Variants in PARD3B observed in about 807,000 individuals in gnomAD.
PARD3B encodes partitioning defective 3 homolog B.
A neutral mutation model predicts 130.2 loss-of-function variants in PARD3B; 103 were observed. The observed-to-expected ratio is 0.79, with a 90% CI of 0.67 to 0.93. The LOEUF (loss-of-function observed/expected upper bound fraction) is 0.93. PARD3B is among the 40% of genes least tolerant of loss of function. PARD3B has a pLI of 0.00. For missense variants in PARD3B, 1,609 were observed against 1,499.2 expected (o/e 1.07, Z -1.21); for synonymous variants, 583 against 553.2 (o/e 1.05, Z -0.76).
At chr2:204,893,463 A>G (rs1416953254) in intron 2 of PARD3B, among the ~76,000 whole-genome samples, 1 of 152,064 alleles carries the variant, frequency 6.6e-6, no homozygotes, top group Non-Finnish European at 1.5e-5. Context: ...TTTTTGCATG[A>G]TAGATTAATA....
In PARD3B at chr2:205,569,804, A is replaced by G. The variant is rs552497621; in HGVS notation, c.3260+16401A>G. Among the ~76,000 whole-genome samples the G allele has an allele frequency of 5.6e-4, 85 of 152,252 alleles. 1 individual carries two copies. The highest frequency in any genetic ancestry group is 1.9e-3 in the African/African-American group (77 of 41,566). On this transcript the variant is annotated intron_variant, in intron 22 of 22. Coordinates refer to ENST00000406610, the MANE Select transcript of PARD3B (RefSeq NM_001302769.2). ...TTCTGGGAATAGTCAAGATCATCCAATTGGGCTTTTTTCTCAAAATGGTAC... is the reference window on the plus strand; with the variant it reads ...TTCTGGGAATAGTCAAGATCATCCAGTTGGGCTTTTTTCTCAAAATGGTAC...
intron 1 of PARD3B, among the ~76,000 whole-genome samples, chr2:204,589,407 C>A (rs2032979670): frequency 6.6e-6 from 1 of 152,192 alleles, no homozygotes; most frequent in Admixed American, 6.5e-5. Context: ...TGTCACTGTG[C>A]CGATTTTGAA....
intron 2 of PARD3B, among the ~76,000 whole-genome samples, chr2:204,804,108 G>T (rs888103783): frequency 6.6e-6 from 1 of 152,114 alleles, no homozygotes; most frequent in African/African-American, 2.4e-5. Flanking sequence ...TGTGCCTGTA[G>T]TACCAGCTAC....
chr2:205,403,197 T>G (rs2046311870), intron 19 of PARD3B, among the ~76,000 whole-genome samples: 1 of 152,256 alleles, frequency 6.6e-6, no homozygotes. Context: ...AGCCATCCTG[T>G]TGCTTACTTG....
rs76219483 is a variant in PARD3B, at chr2:205,011,017, C to T, written c.395-36564C>T. On this transcript the variant is annotated intron_variant, in intron 3 of 22. Transcript: ENST00000406610. This position sits in a 1 kb window ranked among gnomAD's most constrained non-coding sequence, Gnocchi z 4.1. ...ATTTAAGAAGGATCCCCTTAAAAAG[C>T]TGATTGCGGCTCTCTGGTGTATGGG... Among the ~76,000 whole-genome samples the T allele has an allele frequency of 0.018, 2,696 of 152,254 alleles. 43 individuals carry two copies. Among genetic ancestry groups the T allele is most frequent in the East Asian group, 0.045 (233 of 5,166 alleles).
intron 2 of PARD3B, among the ~76,000 whole-genome samples, chr2:204,773,260 C>G (rs1278909575): frequency 6.6e-6 from 1 of 151,740 alleles, no homozygotes; most frequent in Non-Finnish European, 1.5e-5. Context: ...GAGTCTCTTA[C>G]GGAGTAAACT....
At chr2:205,354,202 C>T (rs2044101996) in intron 18 of PARD3B, among the ~76,000 whole-genome samples, 1 of 151,432 alleles carries the variant, frequency 6.6e-6, no homozygotes, top group African/African-American at 2.4e-5. Flanking sequence ...CCATGCTCAG[C>T]TAATTTTTAA....
chr2:205,118,833 C>A, intron 6 of PARD3B, 88 bp from the exon 7 acceptor site: 3 of 935,996 alleles, frequency 3.2e-6, no homozygotes, highest in South Asian at 2.5e-5. Flanking sequence ...AAATAGAAAT[C>A]AATATGTATT....
chr2:205,507,956 C>G (rs374644229), intron 21 of PARD3B, among the ~76,000 whole-genome samples: 102 of 152,312 alleles, frequency 6.7e-4, no homozygotes, highest in African/African-American at 2.4e-3. Context: ...TATCAGACCT[C>G]TGGAATTTAT....
At chr2:205,286,899 A>G (rs570458955) in intron 16 of PARD3B, among the ~76,000 whole-genome samples, 2 of 152,314 alleles carry the variant, frequency 1.3e-5, no homozygotes, top group Admixed American at 1.3e-4. Flanking sequence ...CTATTTTTCT[A>G]AATTGTCTAA....
chr2:205,455,115 CCTT>C (rs2048227385), intron 20 of PARD3B, among the ~76,000 whole-genome samples: 1 of 152,012 alleles, frequency 6.6e-6, no homozygotes, highest in African/African-American at 2.4e-5. Context: ...TAAAGCCAAA[CCTT>C]CTTGATTTAA....
intron 1 of PARD3B, among the ~76,000 whole-genome samples, chr2:204,650,295 G>A (rs2035433612): frequency 6.6e-6 from 1 of 152,138 alleles, no homozygotes; most frequent in African/African-American, 2.4e-5. Context: ...ACACATTATT[G>A]GTGGGACTGT....
intron 3 of PARD3B, among the ~76,000 whole-genome samples, chr2:204,973,464 T>G (rs1691877282): frequency 6.6e-6 from 1 of 151,876 alleles, no homozygotes; most frequent in Non-Finnish European, 1.5e-5. Context: ...GGTAAAGCCC[T>G]TTTTGTACTG....
intron 1 of PARD3B, among the ~76,000 whole-genome samples, chr2:204,665,694 A>G (rs945721722): frequency 6.6e-6 from 1 of 152,164 alleles, no homozygotes; most frequent in African/African-American, 2.4e-5. Flanking sequence ...CTTTTTGATG[A>G]CACAGTCTGT....
intron 1 of PARD3B, among the ~76,000 whole-genome samples, chr2:204,582,582 T>C (rs1183762548): frequency 6.6e-6 from 1 of 152,148 alleles, no homozygotes; most frequent in Non-Finnish European, 1.5e-5. Context: ...GTGGGTTTTG[T>C]AGATTAATGT....
chr2:205,442,933 T>C (rs1190207823), intron 20 of PARD3B, among the ~76,000 whole-genome samples: 2 of 152,214 alleles, frequency 1.3e-5, no homozygotes, highest in African/African-American at 4.8e-5. Context: ...GATCTAAAGC[T>C]GCTTTCAATA....
chr2:205,345,288 C>G (rs1049613378), intron 18 of PARD3B, among the ~76,000 whole-genome samples: 3 of 152,172 alleles, frequency 2.0e-5, no homozygotes, highest in Admixed American at 2.0e-4. Context: ...AGGGTATGAT[C>G]TAATGGTAAT....
chr2:205,238,849 AATATATATATAT>A (rs66692400), intron 15 of PARD3B, among the ~76,000 whole-genome samples: 2 of 76,916 alleles, frequency 2.6e-5, no homozygotes, highest in Non-Finnish European at 4.6e-5. Context: ...AAAAAAAAAA[AATATATATATAT>A]ATATATATAT....
chr2:205,407,200 C>T lies in PARD3B; in HGVS notation c.2741+6077C>T, dbSNP rs1486844024. Among the ~76,000 whole-genome samples the T allele has an allele frequency of 6.6e-6, 1 of 152,158 alleles. No homozygotes were observed. Among genetic ancestry groups the T allele is most frequent in the African/African-American group, 2.4e-5 (1 of 41,442 alleles). On this transcript the variant is annotated intron_variant, in intron 19 of 22. Coordinates refer to ENST00000406610, the MANE Select transcript of PARD3B (RefSeq NM_001302769.2). The surrounding 1 kb of genome is among the most constrained non-coding windows in gnomAD (Gnocchi z 4.1). ...GCTCAAGATTGTGTGGTAGGATTTT[C>T]TTAATCTCAAGTAAGAGATTTCTCA...
Sources: gnomAD v4.1 joint callset for allele counts (sites outside exome capture counted in the v4.1 genomes callset) on GRCh38, gnomAD v4.1.1 for gene constraint, Gnocchi (gnomAD v3.1) non-coding constraint, MANE v1.5 for transcripts, NCBI Gene and HGNC (gene_info 2026-07-23, HGNC 2026-07-21) for gene names.